AK8: variants seen among roughly 807,000 people sequenced by gnomAD.
AK8 encodes the protein adenylate kinase 8.
A neutral mutation model predicts 54.6 loss-of-function variants in AK8; 44 were observed. The observed-to-expected ratio is 0.81, with a 90% confidence interval of 0.63 to 1.04. The LOEUF (loss-of-function observed/expected upper bound fraction) is 1.04, where lower values mean the gene tolerates loss of function less well. Among genes scored for constraint, AK8 ranks in the 50% least tolerant of loss-of-function variants. The pLI is 0.00. For missense variants in AK8, 555 were observed against 613.6 expected, an observed-to-expected ratio of 0.90 and a Z score of 1.01; for synonymous variants, 239 against 245.6, an observed-to-expected ratio of 0.97 and a Z score of 0.25.
In AK8 at chr9:132,816,894, G is replaced by T. The variant is rs897322924; in HGVS notation, c.890-2167C>A. On this transcript the variant is annotated intron_variant, in intron 9 of 12. Transcript: ENST00000298545. ...AGCTCTGAGACGGCCAGAATTTGTA[G>T]AACAGGGTAAGGGAGAGGAGGCAGC... is the stretch of plus-strand genomic sequence containing the variant. Among the ~76,000 whole-genome samples the T allele has an allele frequency of 1.3e-5, 2 of 152,186 alleles. 1 individual carries two copies. Among genetic ancestry groups the T allele is most frequent in the African/African-American group, 4.8e-5 (2 of 41,442 alleles).
rs535304198 is a variant in AK8 at position 132,728,968 on chromosome 9, G to A, written c.1122-1434C>T. ...TGCTCAGGCTGGAGTGCAGTGGAGT[G>A]ACCTCCCAGGCTCAGTCAATCTGCC... On this transcript the variant is annotated intron_variant, in intron 11 of 12. Coordinates refer to ENST00000298545, the MANE Select transcript of AK8 (RefSeq NM_152572.3). Among the ~76,000 whole-genome samples, 7 of 151,732 alleles carry A rather than the reference G, an allele frequency of 4.6e-5. No homozygotes were observed. In the South Asian group the frequency reaches 6.3e-4, roughly 14 times the overall value.
chr9:132,809,622 A>T (rs2519082), intron 10 of AK8, among the ~76,000 whole-genome samples: 1 of 152,214 alleles, frequency 6.6e-6, no homozygotes, highest in African/African-American at 2.4e-5. Context: ...CCTGGCCTCC[A>T]AAGGGCACGT....
intron 5 of AK8, among the ~76,000 whole-genome samples, chr9:132,839,881 G>C (rs985343561): frequency 1.3e-5 from 2 of 151,148 alleles, no homozygotes; most frequent in Admixed American, 1.3e-4. Flanking sequence ...GCAGTGGCGC[G>C]ATCTCGGCTC....
intron 12 of AK8, among the ~76,000 whole-genome samples, chr9:132,726,303 CTCT>C (rs557529673): frequency 7.6e-6 from 1 of 131,928 alleles, no homozygotes; most frequent in African/African-American, 2.7e-5. Context: ...CCCTTCCTTT[CTCT>C]TCTTCTTCCT....
At chr9:132,728,903 C>G (rs1282333339) in intron 11 of AK8, among the ~76,000 whole-genome samples, 2 of 51,984 alleles carry the variant, frequency 3.8e-5, no homozygotes, top group African/African-American at 1.7e-4. Flanking sequence ...TTATATGAAA[C>G]CTTTTTTTTT....
chr9:132,839,573 C>T (rs1012043314), intron 5 of AK8, among the ~76,000 whole-genome samples: 9 of 152,162 alleles, frequency 5.9e-5, no homozygotes, highest in Admixed American at 3.3e-4. Context: ...AGCATCCCTC[C>T]GCAGGCTCCT....
At chr9:132,746,727 C>A (rs17149715) in intron 11 of AK8, among the ~76,000 whole-genome samples, 1 of 152,144 alleles carries the variant, frequency 6.6e-6, no homozygotes, top group Non-Finnish European at 1.5e-5. Context: ...GAATGCCTTA[C>A]GGAGGCAGCA....
intron 11 of AK8, among the ~76,000 whole-genome samples, chr9:132,764,219 A>T (rs1190888970): frequency 1.3e-5 from 2 of 152,226 alleles, no homozygotes; most frequent in Non-Finnish European, 2.9e-5. Flanking sequence ...CTGTGGTGGG[A>T]CAATCACTTG....
At chr9:132,863,323 G>A (rs1843462493) in intron 4 of AK8, among the ~76,000 whole-genome samples, 1 of 152,254 alleles carries the variant, frequency 6.6e-6, no homozygotes, top group Non-Finnish European at 1.5e-5. Flanking sequence ...GGGCCGCCAG[G>A]TTCAGCACTT....
chr9:132,790,336 C>T lies in AK8; in HGVS notation c.1121+2298G>A, dbSNP rs185434095. 3.9e-5 allele frequency among the ~76,000 whole-genome samples: 6 copies of T among 152,128 alleles called. No individual in the cohort carries two copies. The highest frequency in any genetic ancestry group is 5.9e-5 in the Non-Finnish European group (4 of 67,978). The stretch of plus-strand genomic sequence containing the variant: ...CGTGATCTCAGCTCACTGCAAACTC[C>T]GCCTCCTGGGTTCACACCATTCTCC... On this transcript the variant is annotated intron_variant, in intron 11 of 12. Transcript: ENST00000298545. This position sits in a 1 kb window ranked among gnomAD's most constrained non-coding sequence, Gnocchi z 4.1.
intron 9 of AK8, among the ~76,000 whole-genome samples, chr9:132,815,657 T>C (rs1209007845): frequency 6.6e-6 from 1 of 152,238 alleles, no homozygotes; most frequent in Non-Finnish European, 1.5e-5. Flanking sequence ...GGCAGGAACC[T>C]GCCTCTGGCC....
chr9:132,813,718 T>C (rs887530225), intron 10 of AK8, among the ~76,000 whole-genome samples: 1 of 152,158 alleles, frequency 6.6e-6, no homozygotes. Context: ...TGAGGCTCCT[T>C]CGTGGACTCA....
intron 2 of AK8, among the ~76,000 whole-genome samples, chr9:132,873,372 C>T (rs753488639): frequency 2.0e-5 from 3 of 152,244 alleles, no homozygotes; most frequent in South Asian, 2.1e-4. Context: ...AAGAGAGCCA[C>T]GATCTCTCAC....
At chr9:132,759,681 T>C (rs1216650404) in intron 11 of AK8, among the ~76,000 whole-genome samples, 2 of 152,214 alleles carry the variant, frequency 1.3e-5, no homozygotes, top group African/African-American at 4.8e-5. Context: ...CGCAGCATCA[T>C]TTATTGGAAA....
At chr9:132,835,027 G>A (rs1192207806) in intron 5 of AK8, among the ~76,000 whole-genome samples, 2 of 151,956 alleles carry the variant, frequency 1.3e-5, no homozygotes, top group Non-Finnish European at 2.9e-5. Context: ...ATGCCACTAC[G>A]CCCAGCTAAT....
intron 4 of AK8, among the ~76,000 whole-genome samples, chr9:132,856,042 C>G (rs1464714544): frequency 1.3e-5 from 2 of 152,136 alleles, no homozygotes; most frequent in African/African-American, 4.8e-5. Flanking sequence ...CAGGGTACTC[C>G]GCACTCTCCC....
intron 5 of AK8, among the ~76,000 whole-genome samples, chr9:132,850,829 C>T (rs2131372845): frequency 6.6e-6 from 1 of 151,652 alleles, no homozygotes; most frequent in East Asian, 1.9e-4. Flanking sequence ...CCACCATGCC[C>T]AGCCTGGCCC....
At chr9:132,748,313 C>T (rs1015078295) in intron 11 of AK8, among the ~76,000 whole-genome samples, 2 of 151,734 alleles carry the variant, frequency 1.3e-5, no homozygotes, top group South Asian at 4.2e-4. Context: ...TTATCAAACC[C>T]CCCATATCAC....
intron 10 of AK8, among the ~76,000 whole-genome samples, chr9:132,801,452 C>T (rs1055457269): frequency 1.3e-5 from 2 of 152,150 alleles, no homozygotes; most frequent in African/African-American, 2.4e-5. Flanking sequence ...GAGCAGAGGT[C>T]GGCCAGTCTG....
Sources: gnomAD v4.1 joint callset for allele counts (sites outside exome capture counted in the v4.1 genomes callset) on GRCh38, gnomAD v4.1.1 for gene constraint, Gnocchi (gnomAD v3.1) non-coding constraint, MANE v1.5 for transcripts, NCBI Gene and HGNC (gene_info 2026-07-23, HGNC 2026-07-21) for gene names.